Variants in ERI1 observed in about 807,000 individuals in gnomAD.
The protein encoded by ERI1 is exoribonuclease 1.
A neutral mutation model predicts 39.7 loss-of-function variants in ERI1; 39 were observed. That is an observed-to-expected ratio of 0.98 (90% CI 0.76 to 1.28). The LOEUF (loss-of-function observed/expected upper bound fraction) is 1.28, where lower values mean the gene tolerates loss of function less well. Among genes scored for constraint, ERI1 ranks in the 50% most tolerant of loss-of-function variants. The pLI, the probability that ERI1 is intolerant of heterozygous loss-of-function variation, is 0.00. For missense variants in ERI1, 581 were observed against 416.9 expected (o/e 1.39, Z -3.43); for synonymous variants, 204 against 149.6 (o/e 1.36, Z -2.65).
chr8:9,024,181 A>G (rs891548314), intron 6 of ERI1, among the ~76,000 whole-genome samples: 2 of 152,188 alleles, frequency 1.3e-5, no homozygotes, highest in African/African-American at 4.8e-5. Flanking sequence ...TTAAAAGGCA[A>G]ATAACTGTAA....
rs780716235 is a variant in ERI1 at position 9,020,421 on chromosome 8, A to G, written c.764A>G (p.Lys255Arg). 2 of 1,607,974 alleles carry G rather than the reference A, an allele frequency of 1.2e-6. No homozygotes were observed. Among genetic ancestry groups the G allele is most frequent in the Non-Finnish European group, 1.7e-6 (2 of 1,177,580 alleles). The change falls in exon 6 of 7, where the codon AAA becomes AGA. Residue 255 changes from lysine to arginine, a missense_variant. By Grantham distance (26) the Lys-to-Arg change is conservative. Coordinates refer to ENST00000250263, the MANE Select transcript of ERI1 (RefSeq NM_153332.4). ...LSRLKYPPFA[K>R]KWINIRKSYG... ...AGGCTCAAATACCCTCCTTTTGCGA[A>G]AAAGTGGATCAATATTCGGAAGTCA...
rs1029369086 is a variant in ERI1 at position 9,073,301 on chromosome 8, G to C, written n.300-43047G>C. On this transcript the variant is annotated intron_variant and non_coding_transcript_variant, in intron 3 of 3. Transcript: ENST00000518663. Reference sequence around the variant, plus strand: ...GTCCCGAACATGCAAGACACTATTTGTTATTGAAGAGGAGACTTCTTTATG... The same window carrying C: ...GTCCCGAACATGCAAGACACTATTTCTTATTGAAGAGGAGACTTCTTTATG... 5.3e-5 allele frequency among the ~76,000 whole-genome samples: 8 copies of C among 152,148 alleles called. No individual in the cohort carries two copies. In the East Asian group the frequency reaches 1.3e-3, roughly 26 times the overall value.
At chr8:9,016,633 AT>A (rs1050270464) in intron 4 of ERI1, among the ~76,000 whole-genome samples, 31 of 151,802 alleles carry the variant, frequency 2.0e-4, no homozygotes, top group Non-Finnish European at 3.8e-4. Context: ...GAATCGAAAG[AT>A]TTCGTCTGTA....
chr8:9,087,564 T>G (rs949684027), intron 3 of ERI1, among the ~76,000 whole-genome samples: 2 of 152,118 alleles, frequency 1.3e-5, no homozygotes, highest in South Asian at 2.1e-4. Context: ...CCCTTATTTT[T>G]ATTTTGATTT....
intron 3 of ERI1, among the ~76,000 whole-genome samples, chr8:9,080,286 C>T (rs1799329785): frequency 6.6e-6 from 1 of 152,198 alleles, no homozygotes; most frequent in South Asian, 2.1e-4. Flanking sequence ...TTTATTTTCT[C>T]AACTGTATAA....
intron 3 of ERI1, among the ~76,000 whole-genome samples, chr8:9,056,233 G>C (rs182119092): frequency 6.6e-6 from 1 of 152,350 alleles, no homozygotes; most frequent in East Asian, 1.9e-4. Flanking sequence ...TGCGGATTTG[G>C]GATCAGCTGG....
intron 3 of ERI1, among the ~76,000 whole-genome samples, chr8:9,085,679 G>C (rs927304179): frequency 6.6e-6 from 1 of 151,954 alleles, no homozygotes; most frequent in South Asian, 2.1e-4. Context: ...AACAGAGAAA[G>C]TTCAGGGCCC....
intron 3 of ERI1, among the ~76,000 whole-genome samples, chr8:9,052,902 A>G (rs1048787123): frequency 6.6e-6 from 1 of 152,230 alleles, no homozygotes; most frequent in African/African-American, 2.4e-5. Flanking sequence ...ACAAAGACCA[A>G]GCTTATGATT....
At chr8:9,006,286 C>T (rs1284792593) in intron 1 of ERI1, among the ~76,000 whole-genome samples, 1 of 152,130 alleles carries the variant, frequency 6.6e-6, no homozygotes, top group Non-Finnish European at 1.5e-5. Context: ...AGGAAGAGAA[C>T]TAGAGCTGGA....
intron 6 of ERI1, among the ~76,000 whole-genome samples, chr8:9,023,661 G>A (rs1818159783): frequency 6.7e-6 from 1 of 149,812 alleles, no homozygotes; most frequent in African/African-American, 2.4e-5. Flanking sequence ...AGAAACTTAT[G>A]TTTTCCTTCT....
intron 3 of ERI1, among the ~76,000 whole-genome samples, chr8:9,055,771 C>G (rs1798487512): frequency 6.6e-6 from 1 of 152,150 alleles, no homozygotes; most frequent in Admixed American, 6.5e-5. Context: ...GAATTGGCCT[C>G]AAGTGATCCT....
chr8:9,005,459 T>G (rs1036367338), intron 1 of ERI1, among the ~76,000 whole-genome samples: 2 of 152,084 alleles, frequency 1.3e-5, no homozygotes, highest in African/African-American at 4.8e-5. Flanking sequence ...AATACCTGTC[T>G]TTTTGTAAAA....
intron 3 of ERI1, among the ~76,000 whole-genome samples, chr8:9,093,452 C>T (rs1252349717): frequency 7.1e-6 from 1 of 141,276 alleles, no homozygotes; most frequent in Non-Finnish European, 1.5e-5. Context: ...AATATAGACA[C>T]AGGTATATGC....
chr8:9,085,623 G>C (rs1799499449), intron 3 of ERI1, among the ~76,000 whole-genome samples: 1 of 151,696 alleles, frequency 6.6e-6, no homozygotes. Context: ...TTGTGATAAA[G>C]ACTGTAATGG....
chr8:9,060,326 G>A (rs1036832110), intron 3 of ERI1, among the ~76,000 whole-genome samples: 5 of 152,102 alleles, frequency 3.3e-5, no homozygotes, highest in African/African-American at 1.2e-4. Flanking sequence ...TCCAGTGAAA[G>A]TGTCTACCCA....
In ERI1 at chr8:9,003,102, C is replaced by A. The variant is rs1285607407; in HGVS notation, c.39C>A (p.Ala13=). 1.6e-6 allele frequency: 2 copies of A among 1,247,390 alleles called. No homozygotes were observed. Among genetic ancestry groups the A allele is most frequent in the South Asian group, 4.0e-5 (1 of 25,102 alleles). The allele number at this position is 1,247,390 out of a possible 1,614,324, so 77.3% of individuals were successfully genotyped here. The change falls in exon 1 of 7, where the codon GCC becomes GCA. Residue 13 remains alanine, a synonymous_variant. Coordinates refer to ENST00000250263, the MANE Select transcript of ERI1 (RefSeq NM_153332.4). ...DPQSKEPAGE[A]VALALLESPR... ...AGAGTAAAGAGCCTGCCGGCGAGGCCGTGGCTCTCGCGCTGCTGGAGTCGC... is the reference window on the plus strand; with the variant it reads ...AGAGTAAAGAGCCTGCCGGCGAGGCAGTGGCTCTCGCGCTGCTGGAGTCGC...
intron 3 of ERI1, among the ~76,000 whole-genome samples, chr8:9,066,307 G>T (rs1306821654): frequency 6.6e-6 from 1 of 152,180 alleles, no homozygotes; most frequent in Non-Finnish European, 1.5e-5. Context: ...TTAAGTGGTT[G>T]GTGGTCATCT....
intron 3 of ERI1, among the ~76,000 whole-genome samples, chr8:9,051,410 AT>A (rs1798351507): frequency 6.6e-6 from 1 of 152,052 alleles, no homozygotes; most frequent in Admixed American, 6.6e-5. Flanking sequence ...TAATCTCAGC[AT>A]TTTGGAAGGC....
At chr8:9,005,943 C>T (rs756565565) in intron 1 of ERI1, among the ~76,000 whole-genome samples, 1 of 152,088 alleles carries the variant, frequency 6.6e-6, no homozygotes, top group African/African-American at 2.4e-5. Flanking sequence ...GTGAATATTG[C>T]AAAATGTTAC....
Sources: allele counts gnomAD v4.1 joint callset (sites outside exome capture counted in the v4.1 genomes callset), GRCh38; gene constraint gnomAD v4.1.1; transcripts MANE v1.5; gene names NCBI Gene and HGNC (gene_info 2026-07-23, HGNC 2026-07-21).